The following CEP112 variants were observed in gnomAD, a reference collection of about 807,000 sequenced individuals.
CEP112 encodes the protein centrosomal protein 112, also known as centrosomal protein of 112 kDa.
A neutral mutation model predicts 153.0 loss-of-function variants in CEP112; 127 were observed. That is an observed-to-expected ratio of 0.83 (90% CI 0.72 to 0.96). The LOEUF (loss-of-function observed/expected upper bound fraction) is 0.96, where lower values mean the gene tolerates loss of function less well. CEP112 is among the 40% of genes least tolerant of loss of function. CEP112 has a pLI of 0.00. For synonymous variants in CEP112, 358 were observed against 374.4 expected, an observed-to-expected ratio of 0.96 and a Z score of 0.51; for missense variants, 1,089 against 1,101.2, an observed-to-expected ratio of 0.99 and a Z score of 0.16.
intron 21 of CEP112, among the ~76,000 whole-genome samples, chr17:65,781,264 C>T (rs2053980184): frequency 6.6e-6 from 1 of 152,036 alleles, no homozygotes; most frequent in East Asian, 1.9e-4. Flanking sequence ...ATCTCATCTA[C>T]GATAGCTACA....
At chr17:66,153,585 T>C (rs1376534355) in intron 4 of CEP112, among the ~76,000 whole-genome samples, 1 of 151,852 alleles carries the variant, frequency 6.6e-6, no homozygotes, top group Non-Finnish European at 1.5e-5. Flanking sequence ...TAATAAAATA[T>C]CTCAACATGC....
intron 24 of CEP112, among the ~76,000 whole-genome samples, chr17:65,659,273 C>G (rs1234573411): frequency 6.6e-6 from 1 of 152,104 alleles, no homozygotes; most frequent in Admixed American, 6.5e-5. Context: ...CTGATTTAGA[C>G]AGAGAGTTCT....
intron 24 of CEP112, among the ~76,000 whole-genome samples, chr17:65,650,744 A>T (rs1014780178): frequency 6.6e-6 from 1 of 150,456 alleles, no homozygotes; most frequent in African/African-American, 2.4e-5. Context: ...AAAAAAAAAA[A>T]AAAAAAAAAA....
intron 20 of CEP112, among the ~76,000 whole-genome samples, chr17:65,870,082 A>AAAGAAAAG (rs1458255110): frequency 1.4e-5 from 1 of 73,256 alleles, no homozygotes; most frequent in African/African-American, 3.8e-5. Context: ...AGAAAGAAAG[A>AAAGAAAAG]AAAGAAAGAA....
At chr17:65,919,853 T>A (rs1403885992) in intron 19 of CEP112, among the ~76,000 whole-genome samples, 1 of 151,964 alleles carries the variant, frequency 6.6e-6, no homozygotes, top group Non-Finnish European at 1.5e-5. Context: ...CATGGTACCA[T>A]GTATGTATGG....
intron 18 of CEP112, among the ~76,000 whole-genome samples, chr17:65,936,295 C>T (rs2061304272): frequency 6.6e-6 from 1 of 150,874 alleles, no homozygotes; most frequent in Admixed American, 6.6e-5. Context: ...AAAAGAGAAG[C>T]TTCTCAACAA....
At chr17:66,059,178 A>C (rs2066824156) in intron 11 of CEP112, among the ~76,000 whole-genome samples, 1 of 152,202 alleles carries the variant, frequency 6.6e-6, no homozygotes, top group South Asian at 2.1e-4. Context: ...CTTAAGTATA[A>C]GACTTAAAAC....
chr17:65,818,632 T>G (rs2056387215), intron 21 of CEP112, among the ~76,000 whole-genome samples: 1 of 151,890 alleles, frequency 6.6e-6, no homozygotes, highest in Admixed American at 6.6e-5. Context: ...ATAAGGTTAT[T>G]TGGGGACCCC....
At chr17:66,173,710 C>G (rs1305743397) in intron 4 of CEP112, among the ~76,000 whole-genome samples, 1 of 152,164 alleles carries the variant, frequency 6.6e-6, no homozygotes, top group Non-Finnish European at 1.5e-5. Context: ...TCAAAGGCTA[C>G]AAAAATTCTA....
At chr17:65,821,496 TTATATATATATATATAATTATATATA>T (rs1568066546) in intron 21 of CEP112, among the ~76,000 whole-genome samples, 161 of 121,386 alleles carry the variant, frequency 1.3e-3, no homozygotes, top group Non-Finnish European at 2.1e-3. Flanking sequence ...ATATATATAA[TTATATATATATATATAATTATATATA>T]TATATATATA....
At chr17:66,040,358 T>C (rs147659538) in intron 12 of CEP112, among the ~76,000 whole-genome samples, 1 of 152,330 alleles carries the variant, frequency 6.6e-6, no homozygotes, top group African/African-American at 2.4e-5. Context: ...GTGGGCTGCC[T>C]ATTCAAATAC....
At chr17:65,936,146 C>T (rs2061298384) in intron 18 of CEP112, among the ~76,000 whole-genome samples, 1 of 152,038 alleles carries the variant, frequency 6.6e-6, no homozygotes, top group African/African-American at 2.4e-5. Flanking sequence ...GCTGAGGAAA[C>T]AGATGAATTC....
intron 8 of CEP112, among the ~76,000 whole-genome samples, chr17:66,089,545 A>G (rs1004858326): frequency 6.6e-6 from 1 of 152,194 alleles, no homozygotes; most frequent in Non-Finnish European, 1.5e-5. Context: ...AAAGAAAAAT[A>G]TAACAGCATT....
At chr17:65,691,165 T>C (rs2048088789) in intron 23 of CEP112, among the ~76,000 whole-genome samples, 1 of 151,710 alleles carries the variant, frequency 6.6e-6, no homozygotes, top group South Asian at 2.1e-4. Flanking sequence ...AGGGCAGGTG[T>C]TGGGGGAGAG....
intron 23 of CEP112, among the ~76,000 whole-genome samples, chr17:65,707,638 T>C (rs1763409890): frequency 6.6e-6 from 1 of 152,216 alleles, no homozygotes; most frequent in South Asian, 2.1e-4. Flanking sequence ...TACAAATTCA[T>C]TACCATTAGC....
chr17:65,819,661 T>A (rs565012738), intron 21 of CEP112, among the ~76,000 whole-genome samples: 1 of 151,982 alleles, frequency 6.6e-6, no homozygotes, highest in Non-Finnish European at 1.5e-5. Context: ...ATATAATGCA[T>A]CTGAGAAAGG....
At chr17:65,776,504 C>A (rs978668024) in intron 21 of CEP112, among the ~76,000 whole-genome samples, 1 of 152,212 alleles carries the variant, frequency 6.6e-6, no homozygotes, top group Non-Finnish European at 1.5e-5. Flanking sequence ...GGATTACAGG[C>A]GTGAGCCACC....
At chr17:66,082,580 T>C (rs1420997721) in intron 8 of CEP112, among the ~76,000 whole-genome samples, 2 of 152,208 alleles carry the variant, frequency 1.3e-5, no homozygotes, top group Non-Finnish European at 1.5e-5. Context: ...CTGGCCAACA[T>C]GGCAAAACCC....
intron 19 of CEP112, among the ~76,000 whole-genome samples, chr17:65,904,140 TAGAA>T (rs1266892016): frequency 1.3e-5 from 2 of 152,284 alleles, no homozygotes; most frequent in Admixed American, 6.5e-5. Context: ...GGTATTCAAA[TAGAA>T]AGAGAGAAAG....
Sources: gnomAD v4.1 joint callset for allele counts (sites outside exome capture counted in the v4.1 genomes callset) on GRCh38, gnomAD v4.1.1 for gene constraint, MANE v1.5 for transcripts, NCBI Gene and HGNC (gene_info 2026-07-23, HGNC 2026-07-21) for gene names.